CA10: variants seen among roughly 807,000 people sequenced by gnomAD.
The protein encoded by CA10 is carbonic anhydrase 10 (inactive).
A neutral mutation model predicts 44.2 loss-of-function variants in CA10; 14 were observed. That is an observed-to-expected ratio of 0.32 (90% CI 0.21 to 0.50). The LOEUF (loss-of-function observed/expected upper bound fraction) is 0.50, where lower values mean the gene tolerates loss of function less well. CA10 is among the 20% of genes least tolerant of loss of function. The pLI is 0.99. For missense variants in CA10, 350 were observed against 409.7 expected (o/e 0.85, Z 1.26); for synonymous variants, 159 against 141.6 (o/e 1.12, Z -0.87).
chr17:52,151,624 A>C lies in CA10; in HGVS notation c.61+6102T>G, dbSNP rs374665078. 2.0e-5 allele frequency among the ~76,000 whole-genome samples: 3 copies of C among 152,256 alleles called. No individual in the cohort carries two copies. In the East Asian group the frequency reaches 5.8e-4, roughly 29 times the overall value. On this transcript the variant is annotated intron_variant, in intron 1 of 8. Transcript: ENST00000451037. ...ATACGTCTTTGTTGAACATAGAATA[A>C]ATGATTAAATAATTAATTGGCATTT... is the stretch of plus-strand genomic sequence containing the variant.
At chr17:52,072,422 A>C in intron 1 of CA10, 29 bp from the exon 2 acceptor site, 1 of 1,512,088 alleles carries the variant, frequency 6.6e-7, no homozygotes, top group Non-Finnish European at 9.2e-7. Context: ...AGAGAGATTA[A>C]GATGATAGCA....
At chr17:52,028,187 A>G (rs1567708233) in intron 2 of CA10, among the ~76,000 whole-genome samples, 1 of 152,196 alleles carries the variant, frequency 6.6e-6, no homozygotes, top group Non-Finnish European at 1.5e-5. Flanking sequence ...GTTATTAACA[A>G]AATGCAGAGG....
chr17:51,809,851 A>G (rs1431344922), intron 3 of CA10, among the ~76,000 whole-genome samples: 2 of 152,182 alleles, frequency 1.3e-5, no homozygotes, highest in African/African-American at 4.8e-5. Context: ...GAGTCCAGTG[A>G]ATTATGTCAA....
intron 4 of CA10, among the ~76,000 whole-genome samples, chr17:51,684,164 G>A (rs980227660): frequency 2.6e-5 from 4 of 152,200 alleles, no homozygotes; most frequent in African/African-American, 9.7e-5. Context: ...AAGATGTAAT[G>A]TGGGACCAGA....
At chr17:51,887,303 T>C (rs1022203418) in intron 3 of CA10, among the ~76,000 whole-genome samples, 1 of 152,080 alleles carries the variant, frequency 6.6e-6, no homozygotes, top group Admixed American at 6.5e-5. Context: ...AAGAAGCCTC[T>C]AGGCTGAGGC....
intron 2 of CA10, among the ~76,000 whole-genome samples, chr17:52,042,992 C>T (rs1016677938): frequency 1.3e-5 from 2 of 151,850 alleles, no homozygotes; most frequent in Non-Finnish European, 2.9e-5. Flanking sequence ...CTTTGATTAC[C>T]AGAGCTTTGT....
At chr17:51,774,062 G>A (rs1436333447) in intron 3 of CA10, among the ~76,000 whole-genome samples, 2 of 152,094 alleles carry the variant, frequency 1.3e-5, no homozygotes, top group African/African-American at 4.8e-5. Context: ...TTGATTCTCA[G>A]GGCTTCTTAT....
At chr17:52,096,574 T>C (rs1354924070) in intron 1 of CA10, among the ~76,000 whole-genome samples, 1 of 152,248 alleles carries the variant, frequency 6.6e-6, no homozygotes, top group African/African-American at 2.4e-5. Flanking sequence ...TTACTACATA[T>C]CAGATTCCAA....
intron 3 of CA10, among the ~76,000 whole-genome samples, chr17:51,894,654 C>T (rs1375373200): frequency 6.6e-6 from 1 of 152,094 alleles, no homozygotes; most frequent in Non-Finnish European, 1.5e-5. Context: ...GAATGCCACC[C>T]TGTTGACATC....
At chr17:51,765,751 G>T (rs1215968740) in intron 3 of CA10, among the ~76,000 whole-genome samples, 5 of 150,728 alleles carry the variant, frequency 3.3e-5, no homozygotes, top group Admixed American at 2.0e-4. Flanking sequence ...ATGTGTTTAG[G>T]GGGGGTTGGG....
chr17:51,638,793 G>A (rs1020578850), intron 6 of CA10, among the ~76,000 whole-genome samples: 6 of 152,314 alleles, frequency 3.9e-5, no homozygotes, highest in African/African-American at 1.4e-4. Context: ...GGAATGAATC[G>A]AGGAGTTGAC....
intron 3 of CA10, among the ~76,000 whole-genome samples, chr17:51,906,411 G>A (rs1376924906): frequency 1.3e-5 from 2 of 151,962 alleles, no homozygotes; most frequent in African/African-American, 4.8e-5. Context: ...ACACTTTCTG[G>A]ATGTCCCTCC....
intron 3 of CA10, among the ~76,000 whole-genome samples, chr17:51,751,072 GAGGT>G (rs1904874347): frequency 6.6e-6 from 1 of 152,164 alleles, no homozygotes; most frequent in South Asian, 2.1e-4. Context: ...CTTAACCATA[GAGGT>G]AACAGAATTT....
At chr17:52,115,655 G>C (rs112887606) in intron 1 of CA10, among the ~76,000 whole-genome samples, 1 of 152,186 alleles carries the variant, frequency 6.6e-6, no homozygotes, top group African/African-American at 2.4e-5. Flanking sequence ...GTGAGCAGCA[G>C]CTCCCCGCCC....
Position 51,974,309 on chromosome 17 carries a change from G to A in CA10, c.137-43177C>T, listed in dbSNP as rs9899498. Among the ~76,000 whole-genome samples the A allele has an allele frequency of 4.6e-3, 702 of 151,230 alleles. 3 individuals carry two copies. Among genetic ancestry groups the A allele is most frequent in the African/African-American group, 0.016 (639 of 41,222 alleles). On this transcript the variant is annotated intron_variant, in intron 2 of 8. Transcript: ENST00000451037. ...TGAGGGAGGAGAATCGCTTGAACCCGGGAGGTGGAGGTTGCAGTGAGCCGA... is the reference window on the plus strand; with the variant it reads ...TGAGGGAGGAGAATCGCTTGAACCCAGGAGGTGGAGGTTGCAGTGAGCCGA...
At chr17:51,978,888 C>T (rs117699140) in intron 2 of CA10, among the ~76,000 whole-genome samples, 2,066 of 152,036 alleles carry the variant, frequency 0.014, 23 homozygotes, top group Non-Finnish European at 0.019. Context: ...ACCGTTTTAC[C>T]CCTTCTTTCC....
Position 51,747,675 on chromosome 17 carries a change from T to G in CA10, c.423A>C (p.Gln141His). 6.2e-7 allele frequency: 1 copy of G among 1,614,118 alleles called. No homozygotes were observed. Among genetic ancestry groups the G allele is most frequent in the Non-Finnish European group, 8.5e-7 (1 of 1,179,958 alleles). ...IRLHFGSEDS[Q>H]GSEHLLNGQA... Reference sequence around the variant, plus strand: ...GTCCATTGAGGAGGTGCTCCGACCCTTGGCTGTCCTCACTCCCAAAGTGTA... The same window carrying G: ...GTCCATTGAGGAGGTGCTCCGACCCGTGGCTGTCCTCACTCCCAAAGTGTA... Residue 141 changes from glutamine (Q) to histidine (H), a missense_variant, in exon 4 of 9, where the codon CAA becomes CAC. Coordinates refer to ENST00000451037, the MANE Select transcript of CA10 (RefSeq NM_020178.5).
At chr17:52,115,694 C>T (rs1008404382) in intron 1 of CA10, among the ~76,000 whole-genome samples, 2 of 152,244 alleles carry the variant, frequency 1.3e-5, no homozygotes, top group African/African-American at 2.4e-5. Flanking sequence ...GGCTGGGGCA[C>T]ATGGCCCAAG....
intron 3 of CA10, among the ~76,000 whole-genome samples, chr17:51,895,208 A>G (rs886281130): frequency 6.6e-6 from 1 of 152,138 alleles, no homozygotes; most frequent in Non-Finnish European, 1.5e-5. Flanking sequence ...AGTAAGTGGT[A>G]GAAATGGAAT....
Sources: allele counts gnomAD v4.1 joint callset (sites outside exome capture counted in the v4.1 genomes callset), GRCh38; gene constraint gnomAD v4.1.1; transcripts MANE v1.5; gene names NCBI Gene and HGNC (gene_info 2026-07-23, HGNC 2026-07-21).